Variants in ZFYVE9 observed in about 807,000 individuals in gnomAD.
The protein encoded by ZFYVE9 is zinc finger FYVE domain-containing protein 9.
In ZFYVE9, 43 loss-of-function variants were observed where a neutral mutation model predicts 126.7. That is an observed-to-expected ratio of 0.34 (90% CI 0.27 to 0.44). The LOEUF is 0.44. Among genes scored for constraint, ZFYVE9 ranks in the 20% least tolerant of loss-of-function variants. The pLI, the probability that ZFYVE9 is intolerant of heterozygous loss-of-function variation, is 1.00. For synonymous variants in ZFYVE9, 521 were observed against 597.4 expected (o/e 0.87, Z 1.87); for missense variants, 1,476 against 1,697.0 (o/e 0.87, Z 2.29).
At chr1:52,258,904 T>C (rs1645550525) in intron 4 of ZFYVE9, among the ~76,000 whole-genome samples, 2 of 152,142 alleles carry the variant, frequency 1.3e-5, no homozygotes, top group South Asian at 2.1e-4. Context: ...GCTTTTTTTT[T>C]TTTAAGATAC....
At chr1:52,205,676 C>A (rs886543808) in intron 1 of ZFYVE9, among the ~76,000 whole-genome samples, 1 of 152,114 alleles carries the variant, frequency 6.6e-6, no homozygotes, top group Non-Finnish European at 1.5e-5. Context: ...CTGGCCACCT[C>A]ACTTCTTTTA....
intron 13 of ZFYVE9, among the ~76,000 whole-genome samples, chr1:52,326,328 T>G (rs1186554690): frequency 1.3e-5 from 2 of 152,216 alleles, no homozygotes; most frequent in African/African-American, 4.8e-5. Context: ...GTAGGGAAGA[T>G]GAGCATACAA....
At chr1:52,200,273 G>T (rs1327692429) in intron 1 of ZFYVE9, among the ~76,000 whole-genome samples, 1 of 151,964 alleles carries the variant, frequency 6.6e-6, no homozygotes, top group Non-Finnish European at 1.5e-5. Flanking sequence ...TGACCTCCCA[G>T]GCTCAAACCA....
chr1:52,233,142 T>G, intron 2 of ZFYVE9, 29 bp from the exon 3 acceptor site: 1 of 1,032,400 alleles, frequency 9.7e-7, no homozygotes, highest in Non-Finnish European at 1.3e-6. Flanking sequence ...TTTTAATAAT[T>G]CAAAATGTAA....
intron 13 of ZFYVE9, among the ~76,000 whole-genome samples, chr1:52,315,515 G>C (rs1277199144): frequency 6.6e-6 from 1 of 152,132 alleles, no homozygotes; most frequent in Non-Finnish European, 1.5e-5. Flanking sequence ...TAACAAAAAG[G>C]CCAGGGAAGA....
At chr1:52,266,301 G>A (rs1002763482) in intron 5 of ZFYVE9, among the ~76,000 whole-genome samples, 22 of 148,174 alleles carry the variant, frequency 1.5e-4, no homozygotes, top group Admixed American at 1.2e-3. Flanking sequence ...GTTTCACCAC[G>A]TTAGCCAGGA....
intron 18 of ZFYVE9, 79 bp downstream of exon 18, chr1:52,345,023 C>T: frequency 6.7e-7 from 1 of 1,499,872 alleles, no homozygotes; most frequent in South Asian, 1.2e-5. Context: ...TCTGCATCAC[C>T]CCAGAGAGCT....
intron 10 of ZFYVE9, among the ~76,000 whole-genome samples, chr1:52,291,797 G>A (rs1380059289): frequency 6.8e-6 from 1 of 147,940 alleles, no homozygotes; most frequent in Middle Eastern, 3.3e-3. Context: ...AGAATTGTTT[G>A]AACCCGGGAA....
chr1:52,151,486 C>A (rs1028979791), intron 1 of ZFYVE9, among the ~76,000 whole-genome samples: 4 of 151,702 alleles, frequency 2.6e-5, no homozygotes, highest in African/African-American at 9.7e-5. Context: ...TGAATCTTGT[C>A]CTGTGTCTAT....
At chr1:52,327,603 G>GAA (rs762364474) in intron 13 of ZFYVE9, among the ~76,000 whole-genome samples, 1 of 144,344 alleles carries the variant, frequency 6.9e-6, no homozygotes. Context: ...ACTTGTCTCA[G>GAA]AAAAAAAAAA....
rs776214144 is a variant in ZFYVE9, at chr1:52,239,191, C to T, written c.1774C>T (p.Pro592Ser). Reference protein sequence around the residue: ...KQPSNLKLQIPKPLSDHLQND... With the variant: ...KQPSNLKLQISKPLSDHLQND... ...ACCTTCTAATCTTAAACTTCAAATT[C>T]CAAAGCCATTATCAGACCATTTACA... The change falls in exon 4 of 19, where the codon CCA becomes TCA. Residue 592 changes from proline to serine, a missense_variant. Physicochemically the swap from Pro to Ser is moderately conservative, Grantham distance 74 (BLOSUM62 -1). Transcript: ENST00000287727. The T allele has an allele frequency of 6.2e-7, 1 of 1,614,050 alleles. No individual in the cohort carries two copies. The highest frequency in any genetic ancestry group is 8.5e-7 in the Non-Finnish European group (1 of 1,180,008).
At chr1:52,341,186 C>T (rs947170956) in intron 17 of ZFYVE9, among the ~76,000 whole-genome samples, 9 of 152,296 alleles carry the variant, frequency 5.9e-5, no homozygotes, top group East Asian at 3.9e-4. Flanking sequence ...TGCCATTGCA[C>T]GCCAGCCTGG....
intron 1 of ZFYVE9, among the ~76,000 whole-genome samples, chr1:52,173,110 C>T (rs1644589421): frequency 6.6e-6 from 1 of 151,878 alleles, no homozygotes; most frequent in East Asian, 1.9e-4. Context: ...CCAGTTTTTG[C>T]CCATTCAGTA....
chr1:52,332,686 G>C (rs1646353133), intron 13 of ZFYVE9, 82 bp from the exon 14 acceptor site: 1 of 1,498,820 alleles, frequency 6.7e-7, no homozygotes, highest in Non-Finnish European at 8.9e-7. Flanking sequence ...TGTTAGTTTT[G>C]TTTTTGAGAA....
chr1:52,290,232 A>G lies in ZFYVE9; in HGVS notation c.3026-3221A>G, dbSNP rs191555673. On this transcript the variant is annotated intron_variant, in intron 10 of 18. Coordinates refer to ENST00000287727, the MANE Select transcript of ZFYVE9 (RefSeq NM_004799.4). ...CAGAAGGGCAAATGGGGTGGGGAAG[A>G]GAGAGAAAGAATGTGCATGTGCGTG... Among the ~76,000 whole-genome samples the G allele has an allele frequency of 1.1e-3, 163 of 152,310 alleles. 2 individuals carry two copies. The highest frequency in any genetic ancestry group is 1.2e-4 in the Non-Finnish European group (8 of 68,024).
At chr1:52,273,654 C>T (rs1645716063) in intron 7 of ZFYVE9, among the ~76,000 whole-genome samples, 1 of 151,622 alleles carries the variant, frequency 6.6e-6, no homozygotes, top group Admixed American at 6.6e-5. Context: ...CAGGTGAAAC[C>T]CCATCTCTAC....
chr1:52,155,348 C>T (rs1219721232), intron 1 of ZFYVE9, among the ~76,000 whole-genome samples: 1 of 151,370 alleles, frequency 6.6e-6, no homozygotes, highest in East Asian at 2.0e-4. Flanking sequence ...CATTCTCCTG[C>T]CTCAGCCTCC....
chr1:52,318,520 G>T (rs1646208710), intron 13 of ZFYVE9, among the ~76,000 whole-genome samples: 1 of 151,682 alleles, frequency 6.6e-6, no homozygotes, highest in African/African-American at 2.4e-5. Context: ...TTTAAGATTG[G>T]AAACAAGAAC....
At chr1:52,278,822 G>C (rs1645774677) in intron 9 of ZFYVE9, among the ~76,000 whole-genome samples, 1 of 151,272 alleles carries the variant, frequency 6.6e-6, no homozygotes, top group African/African-American at 2.4e-5. Context: ...CACCTCCCGG[G>C]TTCACGCCAT....
Sources: allele counts gnomAD v4.1 joint callset (sites outside exome capture counted in the v4.1 genomes callset), GRCh38; gene constraint gnomAD v4.1.1; transcripts MANE v1.5; gene names NCBI Gene and HGNC (gene_info 2026-07-23, HGNC 2026-07-21).